Variants in ZBTB7C observed in about 807,000 individuals in gnomAD.
ZBTB7C encodes the protein zinc finger and BTB domain containing 7C, also known as zinc finger and BTB domain-containing protein 7C.
A neutral mutation model predicts 25.7 loss-of-function variants in ZBTB7C; 8 were observed. That is an observed-to-expected ratio of 0.31 (90% CI 0.18 to 0.56). The LOEUF is 0.56. Ranked by LOEUF, ZBTB7C falls within the 20% of genes least tolerant of loss-of-function variation. The pLI, the probability that ZBTB7C is intolerant of heterozygous loss-of-function variation, is 0.91. For missense variants in ZBTB7C, 824 were observed against 855.2 expected (o/e 0.96, Z 0.46); for synonymous variants, 394 against 369.0 (o/e 1.07, Z -0.78).
chr18:48,394,103 T>G (rs550332923), intron 1 of ZBTB7C, among the ~76,000 whole-genome samples: 91 of 152,110 alleles, frequency 6.0e-4, no homozygotes, highest in Non-Finnish European at 1.2e-3. Flanking sequence ...CTCCCTACAC[T>G]GAGATGGGGT....
chr18:48,085,617 G>T (rs1051664947), intron 3 of ZBTB7C, among the ~76,000 whole-genome samples: 1 of 152,202 alleles, frequency 6.6e-6, no homozygotes, highest in African/African-American at 2.4e-5. Context: ...AGGATTAAAA[G>T]AGTTAATACT....
intron 2 of ZBTB7C, among the ~76,000 whole-genome samples, chr18:48,239,166 C>A (rs1412007069): frequency 6.6e-6 from 1 of 152,124 alleles, no homozygotes; most frequent in African/African-American, 2.4e-5. Context: ...TGCAGCAAGC[C>A]CCACTCAAGG....
chr18:48,393,615 G>A (rs2047952806), intron 1 of ZBTB7C, among the ~76,000 whole-genome samples: 1 of 151,974 alleles, frequency 6.6e-6, no homozygotes, highest in African/African-American at 2.4e-5. Context: ...TTTTGGTCAG[G>A]ACACCTTCCA....
At chr18:48,355,940 G>A (rs2046968432) in intron 1 of ZBTB7C, among the ~76,000 whole-genome samples, 1 of 152,150 alleles carries the variant, frequency 6.6e-6, no homozygotes. Context: ...AGTTCACGTT[G>A]GCTTTCTACT....
At position 48,076,217 on chromosome 18, in the gene ZBTB7C, C is replaced by G. The variant is rs2037757182; in HGVS notation, c.-16-35094G>C. ...TTGTGAGGCACTTTACTCCTGTGAC[C>G]TGACTTTAGTTTTCACAGCAATGCT... is the stretch of plus-strand genomic sequence containing the variant. On this transcript the variant is annotated intron_variant, in intron 3 of 4. Coordinates refer to ENST00000590800, the MANE Select transcript of ZBTB7C (RefSeq NM_001318841.2). Among the ~76,000 whole-genome samples the G allele has an allele frequency of 1.3e-5, 2 of 152,344 alleles. 1 individual carries two copies. The highest frequency in any genetic ancestry group is 4.1e-4 in the South Asian group (2 of 4,826).
intron 3 of ZBTB7C, among the ~76,000 whole-genome samples, chr18:48,103,341 A>T (rs903084837): frequency 2.6e-5 from 4 of 152,036 alleles, no homozygotes; most frequent in Admixed American, 2.0e-4. Context: ...GGATTGTTCA[A>T]TTGAGAGAAA....
At chr18:48,051,842 A>G (rs1026028712) in intron 3 of ZBTB7C, among the ~76,000 whole-genome samples, 2 of 152,102 alleles carry the variant, frequency 1.3e-5, no homozygotes, top group Non-Finnish European at 2.9e-5. Context: ...CGGGTTGGCC[A>G]TGGAAGTCTG....
chr18:48,185,349 A>T (rs1457200162), intron 3 of ZBTB7C: 1 of 448,362 alleles, frequency 2.2e-6, no homozygotes, highest in Non-Finnish European at 4.5e-6. Flanking sequence ...TTTGTCTCAT[A>T]TGCAGGTGTC....
intron 3 of ZBTB7C, among the ~76,000 whole-genome samples, chr18:48,170,281 C>T (rs1393340790): frequency 6.6e-6 from 1 of 152,288 alleles, no homozygotes; most frequent in Middle Eastern, 3.2e-3. Context: ...CCTCTACCCA[C>T]ACCCCAAGGG....
At chr18:48,292,065 G>A (rs2144691742) in intron 2 of ZBTB7C, among the ~76,000 whole-genome samples, 1 of 152,132 alleles carries the variant, frequency 6.6e-6, no homozygotes, top group South Asian at 2.1e-4. Context: ...GGGCGTGGTG[G>A]TGGGTGCCTG....
intron 3 of ZBTB7C, among the ~76,000 whole-genome samples, chr18:48,047,030 G>T (rs1258063948): frequency 6.6e-6 from 1 of 152,174 alleles, no homozygotes; most frequent in Non-Finnish European, 1.5e-5. Context: ...AACCATGGTA[G>T]CTCAAGGCTG....
Position 48,395,122 on chromosome 18 carries a change from C to A in ZBTB7C, c.-304+14104G>T, listed in dbSNP as rs777104406. On this transcript the variant is annotated intron_variant, in intron 1 of 4. Transcript: ENST00000590800. ...ATTCTCCAGCATGACAACAAAGGGT[C>A]TGGGGGCTATATTTTCCTCCTGCTC... 5.3e-4 allele frequency among the ~76,000 whole-genome samples: 81 copies of A among 151,914 alleles called. 2 individuals are homozygous for A. The highest frequency in any genetic ancestry group is 1.8e-4 in the Non-Finnish European group (12 of 68,012).
intron 3 of ZBTB7C, among the ~76,000 whole-genome samples, chr18:48,086,759 A>T (rs1376679346): frequency 1.3e-5 from 2 of 152,136 alleles, no homozygotes; most frequent in Non-Finnish European, 2.9e-5. Flanking sequence ...CTTAGTACTT[A>T]TTGTTAAGTG....
intron 2 of ZBTB7C, among the ~76,000 whole-genome samples, chr18:48,315,858 A>T (rs1376780001): frequency 6.6e-6 from 1 of 152,202 alleles, no homozygotes; most frequent in Non-Finnish European, 1.5e-5. Flanking sequence ...TCAACTGGAA[A>T]GATGTATAAT....
intron 3 of ZBTB7C, among the ~76,000 whole-genome samples, chr18:48,139,716 C>G (rs538760932): frequency 2.0e-5 from 3 of 152,078 alleles, no homozygotes; most frequent in Non-Finnish European, 4.4e-5. Context: ...CCCCTCCAGC[C>G]TCCCTCGGTG....
chr18:48,162,933 G>A (rs192541710), intron 3 of ZBTB7C, among the ~76,000 whole-genome samples: 1 of 151,656 alleles, frequency 6.6e-6, no homozygotes, highest in East Asian at 1.9e-4. Context: ...TTCATGCTCA[G>A]CATGCAGTCA....
In ZBTB7C at chr18:48,178,018, T is replaced by A. The variant is rs1209221872; in HGVS notation, c.-17+7916A>T. Among the ~76,000 whole-genome samples the A allele has an allele frequency of 2.0e-5, 3 of 149,322 alleles. No homozygotes were observed. The South Asian group carries it at 6.3e-4, about 32-fold the overall frequency. ...GTCTCTACTTCCAGCAGCCCCTCCC[T>A]CTCCTTGCCCAGCCCCTCCCTCTCC... On this transcript the variant is annotated intron_variant, in intron 3 of 4. Coordinates refer to ENST00000590800, the MANE Select transcript of ZBTB7C (RefSeq NM_001318841.2).
intron 2 of ZBTB7C, among the ~76,000 whole-genome samples, chr18:48,227,032 A>G (rs1286779670): frequency 6.6e-6 from 1 of 151,218 alleles, no homozygotes; most frequent in Non-Finnish European, 1.5e-5. Flanking sequence ...AAAAAAAAAA[A>G]AAAAAAGAAA....
chr18:48,338,913 G>C (rs996517588), intron 1 of ZBTB7C, among the ~76,000 whole-genome samples: 13 of 123,458 alleles, frequency 1.1e-4, no homozygotes, highest in East Asian at 2.1e-4. Flanking sequence ...TAGTTTGTTG[G>C]GGGGGGGGGG....
Sources: allele counts gnomAD v4.1 joint callset (sites outside exome capture counted in the v4.1 genomes callset), GRCh38; gene constraint gnomAD v4.1.1; transcripts MANE v1.5; gene names NCBI Gene and HGNC (gene_info 2026-07-23, HGNC 2026-07-21).